STXBP4: variants seen among roughly 807,000 people sequenced by gnomAD.
STXBP4 encodes the protein syntaxin binding protein 4.
A neutral mutation model predicts 76.1 loss-of-function variants in STXBP4; 55 were observed. That is an observed-to-expected ratio of 0.72 (90% CI 0.58 to 0.91). The LOEUF (loss-of-function observed/expected upper bound fraction) is 0.91. Ranked by LOEUF, STXBP4 falls within the 40% of genes least tolerant of loss-of-function variation. STXBP4 has a pLI of 0.00. For missense variants in STXBP4, 618 were observed against 636.9 expected, an observed-to-expected ratio of 0.97 and a Z score of 0.32; for synonymous variants, 201 against 220.2, an observed-to-expected ratio of 0.91 and a Z score of 0.77.
At chr17:55,101,493 A>T (rs2145018607) in intron 16 of STXBP4, among the ~76,000 whole-genome samples, 1 of 152,230 alleles carries the variant, frequency 6.6e-6, no homozygotes, top group Admixed American at 6.5e-5. Flanking sequence ...TTACCATCTG[A>T]TGTTGTCTCA....
At chr17:55,080,529 G>T (rs1437750523) in intron 15 of STXBP4, among the ~76,000 whole-genome samples, 1 of 151,828 alleles carries the variant, frequency 6.6e-6, no homozygotes, top group Non-Finnish European at 1.5e-5. Flanking sequence ...CATTTTAGGT[G>T]ACATTTGCAT....
chr17:55,053,137 A>G (rs1282493323), intron 12 of STXBP4, among the ~76,000 whole-genome samples: 1 of 152,036 alleles, frequency 6.6e-6, no homozygotes, highest in Non-Finnish European at 1.5e-5. Context: ...CAAAATTGGA[A>G]TACAGATGGT....
At position 55,160,895 on chromosome 17, in the gene STXBP4, C is replaced by T. The variant is rs539998919; in HGVS notation, c.*984C>T. The T allele has an allele frequency of 5.9e-4, 90 of 152,426 alleles. No individual in the cohort carries two copies. Among genetic ancestry groups the T allele is most frequent in the African/African-American group, 2.1e-3 (88 of 41,592 alleles). The allele number at this position is 152,426 out of a possible 1,614,324, so 9.4% of individuals were successfully genotyped here. On this transcript the variant is annotated 3_prime_UTR_variant, in exon 18 of 18. Coordinates refer to ENST00000376352, the MANE Select transcript of STXBP4 (RefSeq NM_178509.6). ...GCTCGTGTTTTTCTAAAGTGAAAGGCATGGTTTGTCCTGCTTAGGTTGCCC... is the reference window on the plus strand; with the variant it reads ...GCTCGTGTTTTTCTAAAGTGAAAGGTATGGTTTGTCCTGCTTAGGTTGCCC...
chr17:55,092,312 CAATA>C (rs906494238), intron 16 of STXBP4, among the ~76,000 whole-genome samples: 5 of 151,912 alleles, frequency 3.3e-5, no homozygotes, highest in Admixed American at 1.3e-4. Flanking sequence ...ATTGAAATAA[CAATA>C]AATAAATAAA....
chr17:55,029,139 G>A (rs551979909), intron 8 of STXBP4, among the ~76,000 whole-genome samples: 79 of 152,092 alleles, frequency 5.2e-4, no homozygotes, highest in African/African-American at 1.7e-3. Flanking sequence ...ACGGATTACT[G>A]TTCACAGTTA....
At chr17:55,045,116 T>C (rs901353021) in intron 11 of STXBP4, among the ~76,000 whole-genome samples, 2 of 152,116 alleles carry the variant, frequency 1.3e-5, no homozygotes, top group African/African-American at 2.4e-5. Context: ...TTAAAAGATA[T>C]AGACACTTAA....
In STXBP4 at chr17:55,095,735, G is replaced by A. The variant is rs372180339; in HGVS notation, c.1489+14552G>A. On this transcript the variant is annotated intron_variant, in intron 16 of 17. Coordinates refer to ENST00000376352, the MANE Select transcript of STXBP4 (RefSeq NM_178509.6). ...ATATGTCCTCACAGCAACCCTGTGA[G>A]AGAGACATTATTCTTTTTAATTTAA... Among the ~76,000 whole-genome samples, 72 of 152,234 alleles carry A rather than the reference G, an allele frequency of 4.7e-4. 1 individual carries two copies. In the South Asian group the frequency reaches 0.015, roughly 31 times the overall value.
At chr17:55,003,440 A>G (rs1050180582) in intron 7 of STXBP4, among the ~76,000 whole-genome samples, 2 of 152,218 alleles carry the variant, frequency 1.3e-5, no homozygotes, top group African/African-American at 4.8e-5. Context: ...GTAGTAGGCA[A>G]GATATTTCTG....
chr17:55,102,187 T>C (rs1479600935), intron 16 of STXBP4, among the ~76,000 whole-genome samples: 3 of 152,092 alleles, frequency 2.0e-5, no homozygotes, highest in African/African-American at 7.2e-5. Context: ...GCAGTGTTGT[T>C]ACATGGGTAT....
chr17:55,142,974 G>C (rs1033865406), intron 17 of STXBP4, among the ~76,000 whole-genome samples: 1 of 152,144 alleles, frequency 6.6e-6, no homozygotes, highest in East Asian at 1.9e-4. Context: ...TTGAATCACT[G>C]TACTGTAGGA....
intron 16 of STXBP4, among the ~76,000 whole-genome samples, chr17:55,093,615 G>C (rs147768064): frequency 1.3e-5 from 2 of 152,184 alleles, no homozygotes; most frequent in Non-Finnish European, 2.9e-5. Context: ...GTAGGTCACT[G>C]TTGTAAGGTT....
In STXBP4 at chr17:54,999,432, A is replaced by G. The variant is rs1206659633; in HGVS notation, c.268A>G (p.Ile90Val). 5 of 1,612,594 alleles carry G rather than the reference A, an allele frequency of 3.1e-6. No homozygotes were observed. In the South Asian group the frequency reaches 4.4e-5, roughly 14 times the overall value. Residue 90 changes from isoleucine (I) to valine (V), a missense_variant, in exon 5 of 18, where the codon ATT becomes GTT. Coordinates refer to ENST00000376352, the MANE Select transcript of STXBP4 (RefSeq NM_178509.6). ...ATCATTTGAAGAAGCAAAAAGCATA[A>G]TTACCGGAGCCAAGTTGAGGTAACT... Reference protein sequence around the residue: ...GVSFEEAKSIITGAKLRLESA... With the variant: ...GVSFEEAKSIVTGAKLRLESA...
downstream of STXBP4, among the ~76,000 whole-genome samples, chr17:55,174,176 T>A (rs2080420064): frequency 6.6e-6 from 1 of 152,232 alleles, no homozygotes; most frequent in African/African-American, 2.4e-5. Context: ...CTTTTCAAGG[T>A]AACATCTTCA....
intron 16 of STXBP4, among the ~76,000 whole-genome samples, chr17:55,132,972 C>T (rs76774545): frequency 0.021 from 3,231 of 151,978 alleles, 126 homozygotes; most frequent in African/African-American, 0.074. Flanking sequence ...GCAGCTGCAG[C>T]ACATTGAACA....
intron 17 of STXBP4, among the ~76,000 whole-genome samples, chr17:55,159,532 A>C (rs1030375174): frequency 6.6e-6 from 1 of 152,228 alleles, no homozygotes; most frequent in Non-Finnish European, 1.5e-5. Flanking sequence ...TTGCTGACTT[A>C]CTGAATGTCA....
the STXBP4 span, among the ~76,000 whole-genome samples, chr17:55,204,756 G>A: frequency 1.3e-5 from 2 of 151,404 alleles, no homozygotes; most frequent in Non-Finnish European, 2.9e-5. Context: ...TTTTCTCTGG[G>A]TTTCTGCTTG....
intron 8 of STXBP4, among the ~76,000 whole-genome samples, chr17:55,018,449 A>T (rs2078247760): frequency 1.3e-5 from 2 of 152,120 alleles, no homozygotes; most frequent in Non-Finnish European, 2.9e-5. Flanking sequence ...GATTTAATAG[A>T]GTGAAAACAG....
At chr17:55,052,869 G>C (rs1281294479) in intron 12 of STXBP4, among the ~76,000 whole-genome samples, 4 of 135,202 alleles carry the variant, frequency 3.0e-5, no homozygotes, top group Non-Finnish European at 6.2e-5. Context: ...AGCTCAAAAT[G>C]AGAGAAAGTT....
chr17:55,191,862 A>C, the STXBP4 span, among the ~76,000 whole-genome samples: 3 of 152,208 alleles, frequency 2.0e-5, no homozygotes, highest in East Asian at 5.8e-4. Context: ...TTCAGGCACC[A>C]GTCAAAAATC....
Sources: allele counts gnomAD v4.1 joint callset (sites outside exome capture counted in the v4.1 genomes callset), GRCh38; gene constraint gnomAD v4.1.1; transcripts MANE v1.5; gene names NCBI Gene and HGNC (gene_info 2026-07-23, HGNC 2026-07-21).